Variants in URI1 observed in about 807,000 individuals in gnomAD.
URI1 encodes URI1 prefoldin like chaperone, also known as unconventional prefoldin RPB5 interactor 1.
Under a neutral mutation model 60.2 loss-of-function variants are expected in URI1, and 39 were observed. The observed-to-expected ratio is 0.65, with a 90% CI of 0.50 to 0.85. The LOEUF (loss-of-function observed/expected upper bound fraction) is 0.85, where lower values mean the gene tolerates loss of function less well. URI1 is among the 40% of genes least tolerant of loss of function. The pLI is 0.00. For synonymous variants in URI1, 251 were observed against 236.8 expected (o/e 1.06, Z -0.55); for missense variants, 691 against 665.9 (o/e 1.04, Z -0.42).
At chr19:29,988,632 T>TA (rs2055703976) in intron 4 of URI1, among the ~76,000 whole-genome samples, 1 of 152,230 alleles carries the variant, frequency 6.6e-6, no homozygotes, top group East Asian at 1.9e-4. Flanking sequence ...CTGAGGAGTG[T>TA]TCCGTTACAT....
chr19:29,937,901 G>C (rs962759887), upstream of URI1: 4 of 152,114 alleles, frequency 2.6e-5, no homozygotes, highest in South Asian at 2.1e-4. Flanking sequence ...CTGAGAAATG[G>C]GGCATGGCAG....
intron 4 of URI1, among the ~76,000 whole-genome samples, chr19:29,997,445 C>T (rs2055826052): frequency 1.3e-5 from 2 of 151,970 alleles, no homozygotes; most frequent in Non-Finnish European, 2.9e-5. Context: ...TTTTCTTAGA[C>T]AGTCTAATAA....
intron 3 of URI1, 138 bp downstream of exon 3, chr19:29,985,439 T>A: frequency 1.6e-6 from 1 of 606,442 alleles, no homozygotes; most frequent in Non-Finnish European, 2.7e-6. Context: ...TTGTTTTACT[T>A]TATAAGAACA....
chr19:29,942,476 A>T lies in URI1; in HGVS notation c.-72A>T, dbSNP rs960332713. 9 of 1,084,722 alleles carry T rather than the reference A, an allele frequency of 8.3e-6. No homozygotes were observed. Among genetic ancestry groups the T allele is most frequent in the Non-Finnish European group, 1.0e-5 (9 of 893,590 alleles). The allele number at this position is 1,084,722 out of a possible 1,614,324, so 67.2% of individuals were successfully genotyped here. ...AGGGCGGGCGCGCGGGCGCTGGGCA[A>T]CTGCCGGCCGCGCCGCCTGCGCAGG... On this transcript the variant is annotated 5_prime_UTR_variant, in exon 1 of 11. Coordinates refer to ENST00000392271, the MANE Select transcript of URI1 (RefSeq NM_003796.3).
At chr19:29,966,205 G>A (rs2055389511) in intron 1 of URI1, among the ~76,000 whole-genome samples, 1 of 152,106 alleles carries the variant, frequency 6.6e-6, no homozygotes, top group Non-Finnish European at 1.5e-5. Context: ...GGAGTGCAGT[G>A]GTGTGATCTC....
rs112296993 is a variant in URI1 at position 29,942,536 on chromosome 19, C to T, written c.-12C>T. The T allele has an allele frequency of 1.6e-5, 23 of 1,395,042 alleles. No individual in the cohort carries two copies. The Admixed American group carries it at 6.8e-4, about 41-fold the overall frequency. 86.4% of individuals were successfully genotyped at this position (1,395,042 alleles called of 1,614,324 possible). The stretch of plus-strand genomic sequence containing the variant: ...AGGACTCACACGCCGCGCTGAGGCC[C>T]GCGGGCCCGTCATGGAGGCGCCCAC... On this transcript the variant is annotated 5_prime_UTR_variant, in exon 1 of 11. Coordinates refer to ENST00000392271, the MANE Select transcript of URI1 (RefSeq NM_003796.3).
chr19:29,940,091 A>G (rs1018440982), upstream of URI1, among the ~76,000 whole-genome samples: 3 of 152,126 alleles, frequency 2.0e-5, no homozygotes, highest in African/African-American at 7.2e-5. Flanking sequence ...TCATTTAGAA[A>G]ATTTACTGGC....
intron 2 of URI1, chr19:29,980,177 C>G (rs1002517456): frequency 7.2e-5 from 11 of 152,040 alleles, no homozygotes; most frequent in African/African-American, 2.7e-4. Context: ...AGCCAGGCAT[C>G]CTTCAAGCTA....
intron 1 of URI1, among the ~76,000 whole-genome samples, chr19:29,944,930 G>T (rs1461779378): frequency 1.3e-5 from 2 of 152,144 alleles, no homozygotes; most frequent in East Asian, 3.8e-4. Flanking sequence ...ATTTATTTAG[G>T]CTTTAAAGCT....
At chr19:29,984,235 G>A (rs2055633359) in intron 2 of URI1, among the ~76,000 whole-genome samples, 1 of 152,124 alleles carries the variant, frequency 6.6e-6, no homozygotes, top group Non-Finnish European at 1.5e-5. Flanking sequence ...AGACCAGCCT[G>A]GCCAACGTGG....
intron 1 of URI1, among the ~76,000 whole-genome samples, chr19:29,932,219 C>T (rs1349886997): frequency 1.3e-5 from 2 of 151,844 alleles, no homozygotes; most frequent in Non-Finnish European, 2.9e-5. Flanking sequence ...TGAAGAGGTT[C>T]GTTTCTATTC....
intron 1 of URI1, among the ~76,000 whole-genome samples, chr19:29,924,142 C>T (rs1318114685): frequency 6.6e-6 from 1 of 152,040 alleles, no homozygotes; most frequent in African/African-American, 2.4e-5. Flanking sequence ...TGAATGTTGC[C>T]CACCTACATT....
At chr19:30,007,855 A>G (rs2145438335) in intron 7 of URI1, among the ~76,000 whole-genome samples, 1 of 152,234 alleles carries the variant, frequency 6.6e-6, no homozygotes, top group Non-Finnish European at 1.5e-5. Context: ...ATGCATGTAC[A>G]TGTACTTAAA....
At chr19:29,933,940 C>CTTTTTTTTTTTTTTTTTTTTTTTTTT (rs34942474) in intron 1 of URI1, among the ~76,000 whole-genome samples, 3 of 124,708 alleles carry the variant, frequency 2.4e-5, no homozygotes, top group African/African-American at 1.0e-4. Flanking sequence ...CTTTTCTTCC[C>CTTTTTTTTTTTTTTTTTTTTTTTTTT]TTTTTTTTTT....
chr19:30,006,921 A>G (rs2055950302), intron 6 of URI1, among the ~76,000 whole-genome samples: 1 of 152,124 alleles, frequency 6.6e-6, no homozygotes, highest in South Asian at 2.1e-4. Context: ...CATATGTAAA[A>G]TGATAATAGA....
chr19:29,969,376 T>G (rs1280512080), intron 1 of URI1, among the ~76,000 whole-genome samples: 2 of 152,158 alleles, frequency 1.3e-5, no homozygotes, highest in Non-Finnish European at 2.9e-5. Context: ...GACTTGTTTC[T>G]TAAACATAAA....
At chr19:29,954,814 G>A (rs957180548) in intron 1 of URI1, among the ~76,000 whole-genome samples, 4 of 151,706 alleles carry the variant, frequency 2.6e-5, no homozygotes, top group African/African-American at 4.8e-5. Flanking sequence ...CACCACAGCC[G>A]GCCTAGATAA....
chr19:29,956,340 C>A, intron 1 of URI1: 42 of 575,226 alleles, frequency 7.3e-5, no homozygotes, highest in Non-Finnish European at 1.0e-4. Flanking sequence ...TTTATTGCAT[C>A]ATTGAAATAT....
chr19:29,988,662 G>A (rs1010415491), intron 4 of URI1, among the ~76,000 whole-genome samples: 4 of 152,178 alleles, frequency 2.6e-5, no homozygotes, highest in African/African-American at 7.2e-5. Flanking sequence ...TTAAATGCAC[G>A]TACAGCAGTT....
Sources: gnomAD v4.1 joint callset for allele counts (sites outside exome capture counted in the v4.1 genomes callset) on GRCh38, gnomAD v4.1.1 for gene constraint, MANE v1.5 for transcripts, NCBI Gene and HGNC (gene_info 2026-07-23, HGNC 2026-07-21) for gene names.